TENM2: variants seen among roughly 807,000 people sequenced by gnomAD.
The protein encoded by TENM2 is teneurin-2.
In TENM2, 52 loss-of-function variants were observed where a neutral mutation model predicts 245.2. The observed-to-expected ratio is 0.21, with a 90% CI of 0.17 to 0.27. The LOEUF (loss-of-function observed/expected upper bound fraction) is 0.27, where lower values mean the gene tolerates loss of function less well. TENM2 is among the 10% of genes least tolerant of loss of function. TENM2 has a pLI of 1.00. For synonymous variants in TENM2, 1,363 were observed against 1,438.9 expected, an observed-to-expected ratio of 0.95 and a Z score of 1.19; for missense variants, 3,046 against 3,666.8, an observed-to-expected ratio of 0.83 and a Z score of 4.37.
the TENM2 span, among the ~76,000 whole-genome samples, chr5:167,077,930 G>A: frequency 2.6e-5 from 4 of 152,074 alleles, no homozygotes; most frequent in Admixed American, 2.6e-4. Flanking sequence ...TGCAAACCAG[G>A]AGAAGCGAAT....
At chr5:167,542,399 A>G (rs2127606304) in intron 2 of TENM2, among the ~76,000 whole-genome samples, 1 of 152,266 alleles carries the variant, frequency 6.6e-6, no homozygotes, top group Non-Finnish European at 1.5e-5. Flanking sequence ...GCATGTATGT[A>G]TCTGTACATC....
chr5:168,016,159 A>G (rs538915579), intron 5 of TENM2, among the ~76,000 whole-genome samples: 23 of 152,222 alleles, frequency 1.5e-4, no homozygotes, highest in African/African-American at 5.5e-4. Context: ...CCCTCACAAC[A>G]ACCCTATGGG....
chr5:167,451,805 C>T (rs551399191), intron 2 of TENM2, among the ~76,000 whole-genome samples: 5 of 152,194 alleles, frequency 3.3e-5, no homozygotes, highest in Non-Finnish European at 5.9e-5. Context: ...CCTGCCACCA[C>T]GCCCGGCTAA....
intron 12 of TENM2, among the ~76,000 whole-genome samples, chr5:168,155,686 C>T (rs889038612): frequency 5.9e-5 from 9 of 151,704 alleles, no homozygotes; most frequent in African/African-American, 1.2e-4. Flanking sequence ...TGTTTTTTTC[C>T]CTGATCTCAG....
chr5:168,231,918 A>G (rs1001654506), intron 25 of TENM2, among the ~76,000 whole-genome samples: 1 of 152,108 alleles, frequency 6.6e-6, no homozygotes, highest in Admixed American at 6.6e-5. Context: ...CAACATAGGG[A>G]GACCCTGTCA....
At chr5:167,477,445 G>T (rs1001826268) in intron 2 of TENM2, among the ~76,000 whole-genome samples, 1 of 149,796 alleles carries the variant, frequency 6.7e-6, no homozygotes, top group Non-Finnish European at 1.5e-5. Context: ...GGTGGGGGGG[G>T]AGGTCTCAGA....
At chr5:167,957,371 CTTT>C (rs1226252364) in intron 4 of TENM2, among the ~76,000 whole-genome samples, 2 of 152,090 alleles carry the variant, frequency 1.3e-5, no homozygotes, top group African/African-American at 4.8e-5. Context: ...CTCTTTTCTT[CTTT>C]ATTAGTCTGG....
intron 1 of TENM2, among the ~76,000 whole-genome samples, chr5:167,362,651 T>C (rs1759786210): frequency 6.6e-6 from 1 of 152,226 alleles, no homozygotes. Context: ...TTAATTTCAG[T>C]AATGTTAGCA....
chr5:167,114,682 T>C, the TENM2 span, among the ~76,000 whole-genome samples: 2 of 152,250 alleles, frequency 1.3e-5, no homozygotes, highest in Non-Finnish European at 2.9e-5. Flanking sequence ...ACCTTCTCTC[T>C]TTTCTCTTGA....
intron 1 of TENM2, among the ~76,000 whole-genome samples, chr5:167,315,315 C>T (rs1038986359): frequency 2.6e-5 from 4 of 152,076 alleles, no homozygotes; most frequent in Non-Finnish European, 5.9e-5. Flanking sequence ...AAGGTGGTAT[C>T]ATATGTTTGT....
the TENM2 span, among the ~76,000 whole-genome samples, chr5:167,238,042 G>A: frequency 1.3e-5 from 2 of 149,236 alleles, no homozygotes; most frequent in East Asian, 2.0e-4. Context: ...AAGAAGTGCT[G>A]CATCACCAAC....
chr5:167,350,441 GTGTGTA>G (rs1252798942), intron 1 of TENM2, among the ~76,000 whole-genome samples: 5 of 148,640 alleles, frequency 3.4e-5, no homozygotes, highest in African/African-American at 1.3e-4. Flanking sequence ...GTGTGTGTGT[GTGTGTA>G]TGTATGTCCC....
At chr5:167,127,857 C>A in the TENM2 span, among the ~76,000 whole-genome samples, 1 of 152,124 alleles carries the variant, frequency 6.6e-6, no homozygotes, top group African/African-American at 2.4e-5. Flanking sequence ...CATCAAAATA[C>A]TAATGCTGTC....
chr5:167,449,474 T>C (rs1765429902), intron 2 of TENM2, among the ~76,000 whole-genome samples: 1 of 151,738 alleles, frequency 6.6e-6, no homozygotes, highest in Non-Finnish European at 1.5e-5. Context: ...GGCTGAGCTA[T>C]GTTTGTGGCA....
At chr5:167,747,245 A>C (rs1413131291) in intron 2 of TENM2, among the ~76,000 whole-genome samples, 1 of 152,204 alleles carries the variant, frequency 6.6e-6, no homozygotes, top group Non-Finnish European at 1.5e-5. Context: ...TATCCTGGTG[A>C]CTTAGAGTAG....
chr5:167,321,670 T>A (rs1756731797), intron 1 of TENM2, among the ~76,000 whole-genome samples: 1 of 152,136 alleles, frequency 6.6e-6, no homozygotes, highest in Admixed American at 6.6e-5. Context: ...TGCTTTGTGT[T>A]ATGCTTTCTC....
chr5:167,355,773 T>A (rs1759267175), intron 1 of TENM2, among the ~76,000 whole-genome samples: 1 of 152,064 alleles, frequency 6.6e-6, no homozygotes, highest in African/African-American at 2.4e-5. Flanking sequence ...AATTGTCAGA[T>A]TGGATTTAAT....
chr5:168,218,144 C>A lies in TENM2; in HGVS notation c.4253C>A (p.Thr1418Lys). 1.2e-6 allele frequency: 2 copies of A among 1,613,264 alleles called. No individual in the cohort carries two copies. Among genetic ancestry groups the A allele is most frequent in the East Asian group, 2.2e-5 (1 of 44,866 alleles). The change falls in exon 23 of 29, where the codon ACA (threonine) becomes AAA (lysine). Residue 1418 changes from threonine (T) to lysine (K), a missense_variant. By Grantham distance (78) the Thr-to-Lys change is moderately conservative. Coordinates refer to ENST00000518659, the Ensembl canonical transcript of TENM2. This position sits in a 1 kb window ranked among gnomAD's most constrained non-coding sequence, Gnocchi z 5.2. ...CCACAGGTTCGTCTGGAGTGGCCAA[C>A]AGACCTTGCTGTCAATCCCATGGAT...
intron 2 of TENM2, among the ~76,000 whole-genome samples, chr5:167,808,539 C>T (rs924182513): frequency 2.6e-5 from 4 of 152,162 alleles, no homozygotes; most frequent in South Asian, 2.1e-4. Flanking sequence ...GAATTACAGG[C>T]GTAAGCCACC....
Sources: gnomAD v4.1 joint callset for allele counts (sites outside exome capture counted in the v4.1 genomes callset) on GRCh38, gnomAD v4.1.1 for gene constraint, Gnocchi (gnomAD v3.1) non-coding constraint, MANE v1.5 for transcripts, NCBI Gene and HGNC (gene_info 2026-07-23, HGNC 2026-07-21) for gene names.